Variants in COG7 observed in about 807,000 individuals in gnomAD.
COG7 encodes conserved oligomeric Golgi complex subunit 7.
COG7 carries 49 observed loss-of-function variants against 91.5 expected under a neutral mutation model. That is an observed-to-expected ratio of 0.54 (90% CI 0.43 to 0.68). The LOEUF is 0.68. Ranked by LOEUF, COG7 falls within the 30% of genes least tolerant of loss-of-function variation. The pLI, the probability that COG7 is intolerant of heterozygous loss-of-function variation, is 0.00. For synonymous variants in COG7, 365 were observed against 388.7 expected, an observed-to-expected ratio of 0.94 and a Z score of 0.72; for missense variants, 895 against 961.3, an observed-to-expected ratio of 0.93 and a Z score of 0.91.
chr16:23,400,570 C>T (rs771387615), intron 13 of COG7, among the ~76,000 whole-genome samples: 6 of 152,024 alleles, frequency 3.9e-5, no homozygotes, highest in African/African-American at 7.3e-5. Context: ...GGAGGAGCAG[C>T]CTCAAAACAT....
chr16:23,420,855 C>T (rs1256333218), intron 7 of COG7, among the ~76,000 whole-genome samples: 1 of 151,980 alleles, frequency 6.6e-6, no homozygotes, highest in Non-Finnish European at 1.5e-5. Flanking sequence ...GAGATCTCCC[C>T]ACCCCAGCCT....
At chr16:23,444,011 G>C (rs1458697993) in intron 3 of COG7, among the ~76,000 whole-genome samples, 1 of 151,798 alleles carries the variant, frequency 6.6e-6, no homozygotes, top group Non-Finnish European at 1.5e-5. Flanking sequence ...AATTAGCCGG[G>C]TATGGTAGTG....
chr16:23,449,386 TAAAATAAAA>T (rs1964230354), intron 1 of COG7, among the ~76,000 whole-genome samples: 2 of 41,844 alleles, frequency 4.8e-5, no homozygotes, highest in African/African-American at 1.3e-4. Context: ...TAAATTAAAA[TAAAATAAAA>T]TAAAATAAAA....
intron 12 of COG7, among the ~76,000 whole-genome samples, chr16:23,404,976 TC>T (rs1398018391): frequency 6.6e-6 from 1 of 151,794 alleles, no homozygotes; most frequent in African/African-American, 2.4e-5. Context: ...GTCTCCTCTG[TC>T]TATCACCAAG....
In COG7 at chr16:23,418,056, A is replaced by G. The variant is rs116290430; in HGVS notation, c.1137+644T>C. Reference sequence around the variant, plus strand: ...AGCATAGTGAACCTGCCCCTGCAGCATTGCCCATGAGTGCTAAGATCCTGT... The same window carrying G: ...AGCATAGTGAACCTGCCCCTGCAGCGTTGCCCATGAGTGCTAAGATCCTGT... On this transcript the variant is annotated intron_variant, in intron 8 of 16. Transcript: ENST00000307149. Among the ~76,000 whole-genome samples, 904 of 152,324 alleles carry G rather than the reference A, an allele frequency of 5.9e-3. 9 individuals carry two copies. The highest frequency in any genetic ancestry group is 0.021 in the African/African-American group (853 of 41,570).
intron 3 of COG7, 36 bp from the exon 4 acceptor site, chr16:23,442,681 A>C (rs1964120579): frequency 6.4e-7 from 1 of 1,567,898 alleles, no homozygotes; most frequent in Non-Finnish European, 8.8e-7. Context: ...TTTATTTTAA[A>C]TGATCCCTAC....
At chr16:23,433,511 C>T (rs1451933369) in intron 6 of COG7, 34 bp downstream of exon 6, 1 of 1,613,698 alleles carries the variant, frequency 6.2e-7, no homozygotes, top group Non-Finnish European at 8.5e-7. Context: ...TCACCACAGA[C>T]TCTGTTCTCC....
chr16:23,450,755 C>A (rs1555497401), intron 1 of COG7, among the ~76,000 whole-genome samples: 1 of 151,872 alleles, frequency 6.6e-6, no homozygotes, highest in Non-Finnish European at 1.5e-5. Context: ...TTCCTCGAGC[C>A]CGAGAGGTGA....
At chr16:23,447,152 A>G (rs1395820594) in intron 1 of COG7, 1 of 152,048 alleles carries the variant, frequency 6.6e-6, no homozygotes, top group Non-Finnish European at 1.5e-5. Context: ...AGCCTCCTGA[A>G]CCATGTTACT....
In COG7 at chr16:23,392,284, A is replaced by C. The variant is rs940020461; in HGVS notation, c.2146+96T>G. ...CCAAATCCACAGCTGAAGCTAAGGG[A>C]AGACTTGGGATGAGATTCCTGGAGG... On this transcript the variant is annotated intron_variant, in intron 16 of 16. Transcript: ENST00000307149. 9 of 1,580,772 alleles carry C rather than the reference A, an allele frequency of 5.7e-6. No individual in the cohort carries two copies. In the East Asian group the frequency reaches 6.9e-5, roughly 12 times the overall value.
chr16:23,390,791 C>T (rs1164477444), intron 16 of COG7, among the ~76,000 whole-genome samples: 1 of 152,194 alleles, frequency 6.6e-6, no homozygotes, highest in Non-Finnish European at 1.5e-5. Flanking sequence ...GGAGGAGATG[C>T]CTGCTCTGTC....
intron 1 of COG7, among the ~76,000 whole-genome samples, chr16:23,449,553 G>C (rs1259829865): frequency 6.6e-6 from 1 of 150,604 alleles, no homozygotes; most frequent in Non-Finnish European, 1.5e-5. Flanking sequence ...AGACCAGCCT[G>C]ACCATCATGT....
intron 11 of COG7, 67 bp downstream of exon 11, chr16:23,410,228 G>A: frequency 7.6e-7 from 1 of 1,318,444 alleles, no homozygotes; most frequent in Non-Finnish European, 1.1e-6. Flanking sequence ...GCTGTACTGT[G>A]TACTAGACCA....
rs1018565534 is a variant in COG7 at position 23,442,718 on chromosome 16, C to T, written c.436-73G>A. 3 of 1,298,124 alleles carry T rather than the reference C, an allele frequency of 2.3e-6. No homozygotes were observed. The Admixed American group carries it at 5.0e-5, about 22-fold the overall frequency. 80.4% of individuals were successfully genotyped at this position (1,298,124 alleles called of 1,614,324 possible). Reference sequence around the variant, plus strand: ...GCCTCAATTGGGAATAGATAAAATACATGAAAAGGCAACTCATCAAGTATG... The same window carrying T: ...GCCTCAATTGGGAATAGATAAAATATATGAAAAGGCAACTCATCAAGTATG... On this transcript the variant is annotated intron_variant, in intron 3 of 16. Coordinates refer to ENST00000307149, the MANE Select transcript of COG7 (RefSeq NM_153603.4).
At position 23,393,235 on chromosome 16, in the gene COG7, T is replaced by C. The variant is rs547230744; in HGVS notation, c.2000A>G (p.Gln667Arg). 8 of 1,612,342 alleles carry C rather than the reference T, an allele frequency of 5.0e-6. No individual in the cohort carries two copies. Among genetic ancestry groups the C allele is most frequent in the South Asian group, 2.2e-5 (2 of 90,966 alleles). ...HAGKLPFPPE[Q>R]GDELPELDNM... ...CGCCAGAAACGGTCCCCGCTTACCC[T>C]GCTCAGGAGGAAATGGCAGCTTTCC... Residue 667 changes from glutamine (Q) to arginine (R), a missense_variant and splice_region_variant, in exon 15 of 17, where the codon CAG becomes CGG. Gln to Arg is a conservative substitution (Grantham distance 43). Coordinates refer to ENST00000307149, the MANE Select transcript of COG7 (RefSeq NM_153603.4).
intron 16 of COG7, among the ~76,000 whole-genome samples, 173 bp from the exon 17 acceptor site, chr16:23,389,259 A>G (rs1963148735): frequency 6.6e-6 from 1 of 152,102 alleles, no homozygotes; most frequent in South Asian, 2.1e-4. Context: ...TTCTTCCCAC[A>G]GTGTCAGACC....
In COG7 at chr16:23,392,367, T is replaced by C; in HGVS notation, c.2146+13A>G. The C allele has an allele frequency of 6.2e-7, 1 of 1,614,096 alleles. No homozygotes were observed. Among genetic ancestry groups the C allele is most frequent in the South Asian group, 1.1e-5 (1 of 91,084 alleles). Reference sequence around the variant, plus strand: ...GAGCTGTCCCTCCCACCGCCTGTCTTGTGGGGACCCACCGATGTCAGTGGC... The same window carrying C: ...GAGCTGTCCCTCCCACCGCCTGTCTCGTGGGGACCCACCGATGTCAGTGGC... On this transcript the variant is annotated intron_variant, in intron 16 of 16. Transcript: ENST00000307149.
intron 11 of COG7, among the ~76,000 whole-genome samples, chr16:23,407,784 G>A (rs953110741): frequency 2.6e-5 from 4 of 151,988 alleles, no homozygotes; most frequent in African/African-American, 4.8e-5. Flanking sequence ...CCAGGTCTTC[G>A]GGGGACAGTT....
At chr16:23,401,204 G>A (rs530096050) in intron 13 of COG7, among the ~76,000 whole-genome samples, 1 of 152,320 alleles carries the variant, frequency 6.6e-6, no homozygotes, top group East Asian at 1.9e-4. Flanking sequence ...ACCAGCAAAT[G>A]CTGAAAACAA....
Sources: gnomAD v4.1 joint callset for allele counts (sites outside exome capture counted in the v4.1 genomes callset) on GRCh38, gnomAD v4.1.1 for gene constraint, MANE v1.5 for transcripts, NCBI Gene and HGNC (gene_info 2026-07-23, HGNC 2026-07-21) for gene names.